The following RPL6 variants were observed in gnomAD, a reference collection of about 807,000 sequenced individuals.
RPL6 encodes the protein large ribosomal subunit protein eL6.
A neutral mutation model predicts 32.1 loss-of-function variants in RPL6; 1 was observed. The observed-to-expected ratio is 0.03, with a 90% confidence interval of 0.01 to 0.15. RPL6 has a LOEUF of 0.15. Among genes scored for constraint, RPL6 ranks in the 10% least tolerant of loss-of-function variants. RPL6 has a pLI of 1.00. For missense variants in RPL6, 275 were observed against 354.6 expected, an observed-to-expected ratio of 0.78 and a Z score of 1.80; for synonymous variants, 126 against 131.6, an observed-to-expected ratio of 0.96 and a Z score of 0.29.
chr12:112,406,240 A>C, intron 5 of RPL6, 54 bp downstream of exon 5: 1 of 1,493,342 alleles, frequency 6.7e-7, no homozygotes, highest in South Asian at 1.1e-5. Context: ...TGTATACTGC[A>C]AGCATTTAAA....
intron 1 of RPL6, chr12:112,418,716 C>T (rs540177251): frequency 1.2e-5 from 4 of 343,370 alleles, no homozygotes; most frequent in Non-Finnish European, 2.2e-5. Context: ...ACGCGGAGCG[C>T]GCAGCTCACA....
At chr12:112,418,064 C>T (rs192084767) in intron 1 of RPL6, among the ~76,000 whole-genome samples, 1 of 151,988 alleles carries the variant, frequency 6.6e-6, no homozygotes, top group Non-Finnish European at 1.5e-5. Flanking sequence ...AATGCAACCT[C>T]TGCCTCCCGG....
chr12:112,406,677 C>A, intron 4 of RPL6, 70 bp downstream of exon 4: 1 of 1,576,810 alleles, frequency 6.3e-7, no homozygotes, highest in Non-Finnish European at 8.6e-7. Context: ...GTACACCTAG[C>A]GTGCAAACGC....
In RPL6 at chr12:112,406,114, T is replaced by C. The variant is rs2037157060; in HGVS notation, c.530-77A>G. 3.7e-6 allele frequency: 5 copies of C among 1,360,600 alleles called. No homozygotes were observed. The East Asian group carries it at 1.1e-4, about 31-fold the overall frequency. The allele number at this position is 1,360,600 out of a possible 1,614,324, so 84.3% of individuals were successfully genotyped here. The stretch of plus-strand genomic sequence containing the variant: ...TGCAATTTAGGTGACCATTACTTGT[T>C]ATGTTGCTACACAAAGAAGACCACT... On this transcript the variant is annotated intron_variant, in intron 5 of 6. Coordinates refer to ENST00000202773, the MANE Select transcript of RPL6 (RefSeq NM_000970.6).
At chr12:112,409,480 G>A (rs1301114694) in intron 1 of RPL6, 107 bp downstream of exon 1, 2 of 398,556 alleles carry the variant, frequency 5.0e-6, no homozygotes, top group Non-Finnish European at 8.8e-6. Context: ...AGTTAGCCTT[G>A]GACATGTCCG....
At position 112,408,191 on chromosome 12, in the gene RPL6, A is replaced by G. The variant is rs370986758; in HGVS notation, c.336+49T>C. 3.1e-5 allele frequency: 41 copies of G among 1,326,296 alleles called. No individual in the cohort carries two copies. The African/African-American group carries it at 4.9e-4, about 16-fold the overall frequency. The allele number at this position is 1,326,296 out of a possible 1,614,324, so 82.2% of individuals were successfully genotyped here. Reference sequence around the variant, plus strand: ...TCTAAGTATTCAAAAACATCTTCACAGTATTCAAGCATAAACAGAAAATCC... The same window carrying G: ...TCTAAGTATTCAAAAACATCTTCACGGTATTCAAGCATAAACAGAAAATCC... On this transcript the variant is annotated intron_variant, in intron 3 of 6. Coordinates refer to ENST00000202773, the MANE Select transcript of RPL6 (RefSeq NM_000970.6).
At chr12:112,410,662 C>G (rs1359530492), upstream of RPL6, among the ~76,000 whole-genome samples, 2 of 142,110 alleles carry the variant, frequency 1.4e-5, no homozygotes, top group Non-Finnish European at 3.0e-5. Context: ...CAACCTCTGC[C>G]TCCTGGGTTC....
chr12:112,405,450 G>C, intron 6 of RPL6, 74 bp from the exon 7 acceptor site: 2 of 1,391,308 alleles, frequency 1.4e-6, no homozygotes, highest in South Asian at 2.5e-5. Flanking sequence ...AAGGAGTCCT[G>C]TCTCACAAGT....
In RPL6 at chr12:112,405,299, A is replaced by C; in HGVS notation, c.792T>G (p.Ile264Met). Residue 264 changes from isoleucine (I) to methionine (M), a missense_variant, in exon 7 of 7, where the codon ATT becomes ATG. Coordinates refer to ENST00000202773, the MANE Select transcript of RPL6 (RefSeq NM_000970.6). ...DSQILPKIKA[I>M]PQLQGYLRSV... ...ATCGCAGGTAGCCCTGGAGCTGAGG[A>C]ATAGCTTTGATTTTTGGTAAAATTT... is the stretch of plus-strand genomic sequence containing the variant. 1 of 1,610,628 alleles carries C rather than the reference A, an allele frequency of 6.2e-7. No individual in the cohort carries two copies. The highest frequency in any genetic ancestry group is 8.5e-7 in the Non-Finnish European group (1 of 1,178,954).
chr12:112,409,598 G>C lies in RPL6; in HGVS notation c.-12C>G, dbSNP rs2037298918. On this transcript the variant is annotated 5_prime_UTR_variant, in exon 1 of 7. Coordinates refer to ENST00000202773, the MANE Select transcript of RPL6 (RefSeq NM_000970.6). Reference sequence around the variant, plus strand: ...CCCGCGATTCTTACCTTGCAAGATGGGAAAGAGAATTAAGGTCCCGGCTTC... The same window carrying C: ...CCCGCGATTCTTACCTTGCAAGATGCGAAAGAGAATTAAGGTCCCGGCTTC... 2.5e-6 allele frequency: 1 copy of C among 398,438 alleles called. No individual in the cohort carries two copies. Among genetic ancestry groups the C allele is most frequent in the Admixed American group, 4.4e-5 (1 of 22,726 alleles). The allele number at this position is 398,438 out of a possible 1,614,324, so 24.7% of individuals were successfully genotyped here.
At chr12:112,412,048 T>G (rs1354642320), upstream of RPL6, among the ~76,000 whole-genome samples, 1 of 149,608 alleles carries the variant, frequency 6.7e-6, no homozygotes, top group Non-Finnish European at 1.5e-5. Context: ...CCTGGCTAAT[T>G]TTTTTTTTTG....
intron 6 of RPL6, 171 bp downstream of exon 6, chr12:112,405,682 C>T: frequency 1.5e-6 from 1 of 656,922 alleles, no homozygotes; most frequent in South Asian, 2.2e-5. Context: ...AAGTTGAGCT[C>T]CCAGACTGCC....
Position 112,406,279 on chromosome 12 carries a change from C to G in RPL6, c.529+15G>C, listed in dbSNP as rs764788809. 1.1e-5 allele frequency: 18 copies of G among 1,608,944 alleles called. No homozygotes were observed. Among genetic ancestry groups the G allele is most frequent in the Admixed American group, 1.7e-5 (1 of 59,860 alleles). On this transcript the variant is annotated intron_variant, in intron 5 of 6. Transcript: ENST00000202773. ...GGAAGTTTCACAGAACATCACAATC[C>G]AAGGATTTTCTTACCAGTCACAAGT...
chr12:112,412,538 G>A (rs2037353453), upstream of RPL6, among the ~76,000 whole-genome samples: 2 of 151,308 alleles, frequency 1.3e-5, no homozygotes, highest in Admixed American at 6.6e-5. Context: ...TGCAAGGTGA[G>A]ATCATGGCTC....
At chr12:112,414,496 A>C (rs977239340), upstream of RPL6, among the ~76,000 whole-genome samples, 1 of 152,210 alleles carries the variant, frequency 6.6e-6, no homozygotes, top group Non-Finnish European at 1.5e-5. Flanking sequence ...CACTGTTCTG[A>C]GTATTTCACA....
At chr12:112,406,688 A>G (rs1566140813) in intron 4 of RPL6, 59 bp downstream of exon 4, 4 of 1,601,468 alleles carry the variant, frequency 2.5e-6, no homozygotes, top group Non-Finnish European at 8.5e-7. Flanking sequence ...GTGCAAACGC[A>G]TTGCCACCAG....
At chr12:112,411,982 C>G (rs2037345622), upstream of RPL6, among the ~76,000 whole-genome samples, 1 of 151,714 alleles carries the variant, frequency 6.6e-6, no homozygotes, top group African/African-American at 2.4e-5. Flanking sequence ...TGGGTTCAAG[C>G]CATTCTCCTG....
intron 1 of RPL6, 85 bp from the exon 2 acceptor site, chr12:112,408,741 G>T: frequency 2.5e-6 from 3 of 1,208,330 alleles, no homozygotes; most frequent in Non-Finnish European, 3.5e-6. Context: ...ACATGAATGG[G>T]CTGGGCTCCC....
In RPL6 at chr12:112,415,956, G is replaced by GTT. The variant is rs772887157; in HGVS notation, c.-229+2770_-229+2771dup. ...AATGTAGGGAGTGACTAGTTTTGCA[G>GTT]TTTTTTTTTTTTTTTTTTTTGAGAT... On this transcript the variant is annotated intron_variant, in intron 1 of 5. Transcript: ENST00000551291. Among the ~76,000 whole-genome samples, 87 of 117,034 alleles carry GTT rather than the reference G, an allele frequency of 7.4e-4. 1 individual carries two copies. The highest frequency in any genetic ancestry group is 4.8e-3 in the East Asian group (12 of 2,492). 76.8% of individuals were successfully genotyped at this position (117,034 alleles called of 152,430 possible).
Sources: gnomAD v4.1 joint callset for allele counts (sites outside exome capture counted in the v4.1 genomes callset) on GRCh38, gnomAD v4.1.1 for gene constraint, MANE v1.5 for transcripts, NCBI Gene and HGNC (gene_info 2026-07-23, HGNC 2026-07-21) for gene names.